Variants in GALNT10 observed in about 807,000 individuals in gnomAD.
GALNT10 encodes GalNAc transferase 10.
Under a neutral mutation model 75.0 loss-of-function variants are expected in GALNT10, and 41 were observed. The observed-to-expected ratio is 0.55, with a 90% CI of 0.43 to 0.71. The LOEUF is 0.71. Ranked by LOEUF, GALNT10 falls within the 30% of genes least tolerant of loss-of-function variation. The pLI, the probability that GALNT10 is intolerant of heterozygous loss-of-function variation, is 0.00. For missense variants in GALNT10, 727 were observed against 818.5 expected, an observed-to-expected ratio of 0.89 and a Z score of 1.36; for synonymous variants, 302 against 313.0, an observed-to-expected ratio of 0.96 and a Z score of 0.37.
At chr5:154,345,628 CTTTT>C (rs751597207) in intron 4 of GALNT10, among the ~76,000 whole-genome samples, 23 of 118,534 alleles carry the variant, frequency 1.9e-4, no homozygotes, top group African/African-American at 7.8e-4. Context: ...AAATTTCCAC[CTTTT>C]TTTTTTTTTT....
At chr5:154,331,097 G>C (rs1458778575) in intron 4 of GALNT10, among the ~76,000 whole-genome samples, 2 of 152,046 alleles carry the variant, frequency 1.3e-5, no homozygotes, top group African/African-American at 4.8e-5. Flanking sequence ...GTGAACATTG[G>C]TGTGTTGTGT....
chr5:154,248,727 G>A (rs908713348), intron 1 of GALNT10, among the ~76,000 whole-genome samples: 6 of 152,072 alleles, frequency 3.9e-5, no homozygotes, highest in Admixed American at 1.3e-4. Flanking sequence ...CTTGCTAGTG[G>A]TCTATCAATT....
intron 1 of GALNT10, among the ~76,000 whole-genome samples, chr5:154,287,000 C>T (rs1206284053): frequency 1.3e-5 from 2 of 152,194 alleles, no homozygotes; most frequent in Non-Finnish European, 2.9e-5. Flanking sequence ...GTTAGGTCAG[C>T]CTCACTTAAG....
chr5:154,368,608 C>T (rs1469911571), intron 4 of GALNT10, among the ~76,000 whole-genome samples: 3 of 152,206 alleles, frequency 2.0e-5, no homozygotes, highest in African/African-American at 7.2e-5. Context: ...AGCTTCCTTT[C>T]AGCTCTGCCA....
chr5:154,353,635 G>C (rs1465855977), intron 4 of GALNT10, among the ~76,000 whole-genome samples: 1 of 152,242 alleles, frequency 6.6e-6, no homozygotes, highest in Non-Finnish European at 1.5e-5. Flanking sequence ...TGAACAAGAA[G>C]ACATGGGCCC....
intron 1 of GALNT10, among the ~76,000 whole-genome samples, chr5:154,277,017 C>G (rs888598434): frequency 3.9e-5 from 6 of 152,172 alleles, no homozygotes; most frequent in Admixed American, 3.9e-4. Flanking sequence ...TTACCATAAA[C>G]AATGCTGTAT....
At chr5:154,270,991 C>CAAAAAAA (rs5872366) in intron 1 of GALNT10, among the ~76,000 whole-genome samples, 1 of 76,120 alleles carries the variant, frequency 1.3e-5, no homozygotes. Flanking sequence ...GATTCCATCT[C>CAAAAAAA]AAAAAAAAAA....
Position 154,409,318 on chromosome 5 carries a change from A to C in GALNT10, c.1165-223A>C. Reference sequence around the variant, plus strand: ...AAGATGGGATGGAAGATGGGCAGGCAAAACAACAGCAGCCTATGGGCCAAC... The same window carrying C: ...AAGATGGGATGGAAGATGGGCAGGCCAAACAACAGCAGCCTATGGGCCAAC... On this transcript the variant is annotated intron_variant, in intron 8 of 11. Transcript: ENST00000297107. The surrounding 1 kb of genome is among the most constrained non-coding windows in gnomAD (Gnocchi z 4.5). 3.4e-6 allele frequency: 2 copies of C among 580,826 alleles called. No homozygotes were observed. Among genetic ancestry groups the C allele is most frequent in the Non-Finnish European group, 6.2e-6 (2 of 324,262 alleles). The allele number at this position is 580,826 out of a possible 1,614,324, so 36.0% of individuals were successfully genotyped here.
Position 154,380,460 on chromosome 5 carries a change from G to C in GALNT10, c.767G>C (p.Arg256Pro). ...WLPPLLDRIA[R>P]NRKTIVCPMI... The stretch of plus-strand genomic sequence containing the variant: ...TTGGCTTCTTCAGACCGCATTGCTC[G>C]GAACCGCAAGACCATTGTGTGCCCG... Residue 256 changes from arginine (R) to proline (P), a missense_variant, in exon 6 of 12, where the codon CGG becomes CCG. Physicochemically the swap from Arg to Pro is moderately radical, Grantham distance 103 (BLOSUM62 -2). Coordinates refer to ENST00000297107, the MANE Select transcript of GALNT10 (RefSeq NM_198321.4). The C allele has an allele frequency of 6.2e-7, 1 of 1,613,708 alleles. No homozygotes were observed. The highest frequency in any genetic ancestry group is 8.5e-7 in the Non-Finnish European group (1 of 1,179,736).
At chr5:154,236,416 C>T (rs1753247110) in intron 1 of GALNT10, among the ~76,000 whole-genome samples, 1 of 152,276 alleles carries the variant, frequency 6.6e-6, no homozygotes, top group Non-Finnish European at 1.5e-5. Flanking sequence ...AGCTACTTTC[C>T]ATATTTTGGT....
rs1213227758 is a variant in GALNT10, at chr5:154,265,493, A to G, written c.160-29323A>G. On this transcript the variant is annotated intron_variant, in intron 1 of 11. Transcript: ENST00000297107. ...TTACAGTGTACAGACTGAGTTTTCA[A>G]TGTGCAGATTTGCTATGAATTTATA... Among the ~76,000 whole-genome samples, 3 of 152,214 alleles carry G rather than the reference A, an allele frequency of 2.0e-5. No homozygotes were observed. In the East Asian group the frequency reaches 5.8e-4, roughly 29 times the overall value.
At chr5:154,290,159 G>A (rs887576396) in intron 1 of GALNT10, among the ~76,000 whole-genome samples, 6 of 147,994 alleles carry the variant, frequency 4.1e-5, no homozygotes, top group Non-Finnish European at 5.9e-5. Context: ...TTGCACAATC[G>A]CGGCTCACCA....
At chr5:154,359,005 G>A (rs1755341610) in intron 4 of GALNT10, among the ~76,000 whole-genome samples, 2 of 152,202 alleles carry the variant, frequency 1.3e-5, no homozygotes, top group Admixed American at 6.5e-5. Flanking sequence ...TTTGCCACAA[G>A]AGCCTTATTA....
intron 1 of GALNT10, among the ~76,000 whole-genome samples, 169 bp downstream of exon 1, chr5:154,191,194 C>T (rs765800754): frequency 6.6e-6 from 1 of 152,184 alleles, no homozygotes; most frequent in Non-Finnish European, 1.5e-5. Flanking sequence ...GGGACTTGTC[C>T]AGGGTCCCAC....
chr5:154,255,390 T>A (rs550862171), intron 1 of GALNT10, among the ~76,000 whole-genome samples: 8 of 151,854 alleles, frequency 5.3e-5, no homozygotes, highest in African/African-American at 1.9e-4. Context: ...TGAGAAAGAG[T>A]GTCGTGATTG....
At chr5:154,405,698 T>G (rs1756265633) in intron 8 of GALNT10, among the ~76,000 whole-genome samples, 1 of 151,880 alleles carries the variant, frequency 6.6e-6, no homozygotes, top group African/African-American at 2.4e-5. Context: ...AAAATAAAAA[T>G]AGCCGGGCGC....
At chr5:154,207,174 C>G (rs1175410477) in intron 1 of GALNT10, among the ~76,000 whole-genome samples, 1 of 152,242 alleles carries the variant, frequency 6.6e-6, no homozygotes, top group African/African-American at 2.4e-5. Flanking sequence ...GAAGGCAGAA[C>G]CAGCCTGGGA....
chr5:154,303,385 G>T (rs1754387383), intron 3 of GALNT10, among the ~76,000 whole-genome samples: 1 of 152,156 alleles, frequency 6.6e-6, no homozygotes. Flanking sequence ...CTGGAGACAG[G>T]AGAGCTGTGC....
chr5:154,415,786 T>A lies in GALNT10; in HGVS notation c.1507T>A (p.Phe503Ile). ...TTTATGATGCCCCTGTGCACAGGTA[T>A]TCACCTTCACCTGGAGAGAGGACAT... The part of the protein sequence containing the change: ...GEAAWNNMQV[F>I]TFTWREDIRP... Residue 503 changes from phenylalanine (F) to isoleucine (I), a missense_variant, in exon 11 of 12, where the codon TTC (phenylalanine) becomes ATC (isoleucine). Phe to Ile is a conservative substitution (Grantham distance 21). Transcript: ENST00000297107. The A allele has an allele frequency of 6.2e-7, 1 of 1,614,092 alleles. No homozygotes were observed.
Sources: gnomAD v4.1 joint callset for allele counts (sites outside exome capture counted in the v4.1 genomes callset) on GRCh38, gnomAD v4.1.1 for gene constraint, Gnocchi (gnomAD v3.1) non-coding constraint, MANE v1.5 for transcripts, NCBI Gene and HGNC (gene_info 2026-07-23, HGNC 2026-07-21) for gene names.